Variants in RBPMS2 observed in about 807,000 individuals in gnomAD.
The protein encoded by RBPMS2 is RNA binding protein, mRNA processing factor 2, also known as RNA-binding protein with multiple splicing 2.
A neutral mutation model predicts 25.7 loss-of-function variants in RBPMS2; 14 were observed. The observed-to-expected ratio is 0.55, with a 90% CI of 0.36 to 0.85. The LOEUF (loss-of-function observed/expected upper bound fraction) is 0.85, where lower values mean the gene tolerates loss of function less well. RBPMS2 is among the 40% of genes least tolerant of loss of function. RBPMS2 has a pLI of 0.01. For missense variants in RBPMS2, 252 were observed against 283.4 expected (o/e 0.89, Z 0.80); for synonymous variants, 127 against 115.6 (o/e 1.10, Z -0.63).
At chr15:64,741,138 G>A (rs1171946567) in intron 7 of RBPMS2, 35 bp downstream of exon 7, 2 of 1,509,180 alleles carry the variant, frequency 1.3e-6, no homozygotes, top group East Asian at 2.4e-5. Flanking sequence ...CGGAGTCTAG[G>A]ACACTTGTCC....
intron 1 of RBPMS2, among the ~76,000 whole-genome samples, chr15:64,762,788 T>C (rs2083802334): frequency 6.6e-6 from 1 of 152,152 alleles, no homozygotes; most frequent in South Asian, 2.1e-4. Context: ...GGCAGTAGAA[T>C]GCGACTGAGT....
intron 1 of RBPMS2, among the ~76,000 whole-genome samples, chr15:64,756,327 C>G (rs1487073929): frequency 6.6e-6 from 1 of 152,058 alleles, no homozygotes; most frequent in African/African-American, 2.4e-5. Flanking sequence ...ACCAGCCTGG[C>G]CAACATGATG....
At chr15:64,771,303 G>A (rs948626232) in intron 1 of RBPMS2, among the ~76,000 whole-genome samples, 3 of 152,128 alleles carry the variant, frequency 2.0e-5, no homozygotes, top group Admixed American at 1.3e-4. Flanking sequence ...GTTGTCCCTC[G>A]ATATCTGAGG....
chr15:64,764,530 A>G (rs898746999), intron 1 of RBPMS2, among the ~76,000 whole-genome samples: 3 of 152,192 alleles, frequency 2.0e-5, no homozygotes, highest in Non-Finnish European at 4.4e-5. Context: ...CTGCTTCTGC[A>G]ACCTGCATTC....
At chr15:64,766,335 G>A (rs2083845465) in intron 1 of RBPMS2, among the ~76,000 whole-genome samples, 1 of 152,180 alleles carries the variant, frequency 6.6e-6, no homozygotes, top group Non-Finnish European at 1.5e-5. Flanking sequence ...GCACTCTTCA[G>A]GAAGGGAGGG....
intron 1 of RBPMS2, among the ~76,000 whole-genome samples, chr15:64,769,100 CAAAAAAAAA>C (rs1167404963): frequency 1.4e-4 from 4 of 27,684 alleles, no homozygotes; most frequent in Non-Finnish European, 2.3e-4. Flanking sequence ...GACTTCGTCT[CAAAAAAAAA>C]AAAAAAAAAA....
chr15:64,761,795 G>A (rs979090419), intron 1 of RBPMS2, among the ~76,000 whole-genome samples: 3 of 129,460 alleles, frequency 2.3e-5, no homozygotes, highest in African/African-American at 5.8e-5. Flanking sequence ...CTCCACCTCC[G>A]CCTCCTGGGT....
intron 1 of RBPMS2, among the ~76,000 whole-genome samples, chr15:64,761,524 G>A (rs1024714327): frequency 5.3e-5 from 8 of 152,112 alleles, no homozygotes; most frequent in African/African-American, 1.9e-4. Flanking sequence ...GCCAGCCCAA[G>A]GTACCCAGGA....
At chr15:64,772,933 G>A (rs1033175866) in intron 1 of RBPMS2, among the ~76,000 whole-genome samples, 1 of 152,128 alleles carries the variant, frequency 6.6e-6, no homozygotes, top group Admixed American at 6.6e-5. Context: ...AGTCAAGCAG[G>A]CAGAGTCAAG....
chr15:64,772,783 A>G (rs2083901742), intron 1 of RBPMS2, among the ~76,000 whole-genome samples: 1 of 151,204 alleles, frequency 6.6e-6, no homozygotes. Context: ...TATTTTATCT[A>G]TCATTGCATT....
At chr15:64,757,818 C>CCA (rs397798676) in intron 1 of RBPMS2, among the ~76,000 whole-genome samples, 21 of 149,106 alleles carry the variant, frequency 1.4e-4, no homozygotes, top group Non-Finnish European at 2.2e-4. Flanking sequence ...TATCCCCCCC[C>CCA]ACAAAAAATC....
chr15:64,758,098 T>C (rs184393992), intron 1 of RBPMS2, among the ~76,000 whole-genome samples: 1 of 152,342 alleles, frequency 6.6e-6, no homozygotes, highest in East Asian at 1.9e-4. Context: ...TCCATGGGTT[T>C]ATTACAAGAA....
At chr15:64,741,622 A>G (rs1258208017) in intron 6 of RBPMS2, among the ~76,000 whole-genome samples, 1 of 152,250 alleles carries the variant, frequency 6.6e-6, no homozygotes, top group Non-Finnish European at 1.5e-5. Context: ...GGAGGAGGAA[A>G]AGAATGAGCC....
chr15:64,755,542 C>T (rs532978815), intron 1 of RBPMS2, among the ~76,000 whole-genome samples: 1 of 152,124 alleles, frequency 6.6e-6, no homozygotes, highest in Non-Finnish European at 1.5e-5. Context: ...GCTGAGTTCA[C>T]GGAGGAGCAG....
chr15:64,741,039 G>A, intron 7 of RBPMS2, 39 bp from the exon 8 acceptor site: 1 of 636,056 alleles, frequency 1.6e-6, no homozygotes, highest in Non-Finnish European at 2.8e-6. Flanking sequence ...GCAGAGGCGT[G>A]GGACTAGAGC....
In RBPMS2 at chr15:64,751,606, C is replaced by T. The variant is rs375678145; in HGVS notation, c.120G>A (p.Val40=). ...AGTAGAGTTCTCTGGGTTTAATGTC[C>T]ACAGGGAGGCCGCTGACAAACAGTG... ...VRTLFVSGLP[V]DIKPRELYLL... The change falls in exon 2 of 8, where the codon GTG becomes GTA. Residue 40 remains valine (V), a synonymous_variant. Coordinates refer to ENST00000300069, the MANE Select transcript of RBPMS2 (RefSeq NM_194272.3). The T allele has an allele frequency of 2.5e-6, 4 of 1,613,868 alleles. No individual in the cohort carries two copies. In the African/African-American group the frequency reaches 5.3e-5, roughly 22 times the overall value.
At chr15:64,764,791 G>A (rs543792629) in intron 1 of RBPMS2, among the ~76,000 whole-genome samples, 10 of 151,648 alleles carry the variant, frequency 6.6e-5, no homozygotes, top group Admixed American at 2.0e-4. Flanking sequence ...GGTGGTGGGC[G>A]TCTGTAGTCC....
intron 1 of RBPMS2, among the ~76,000 whole-genome samples, chr15:64,766,946 G>C (rs1483238044): frequency 6.6e-6 from 1 of 151,978 alleles, no homozygotes. Flanking sequence ...GCCACACCCA[G>C]CTAATTTTTG....
At chr15:64,750,826 T>A (rs1319232147) in intron 2 of RBPMS2, among the ~76,000 whole-genome samples, 1 of 151,248 alleles carries the variant, frequency 6.6e-6, no homozygotes, top group Non-Finnish European at 1.5e-5. Flanking sequence ...GATCACAAGG[T>A]CAAGAGATCC....
Sources: gnomAD v4.1 joint callset for allele counts (sites outside exome capture counted in the v4.1 genomes callset) on GRCh38, gnomAD v4.1.1 for gene constraint, MANE v1.5 for transcripts, NCBI Gene and HGNC (gene_info 2026-07-23, HGNC 2026-07-21) for gene names.